Variants in SLC17A3 observed in about 807,000 individuals in gnomAD.
The protein encoded by SLC17A3 is solute carrier family 17 member 3.
A neutral mutation model predicts 60.3 loss-of-function variants in SLC17A3; 61 were observed. The observed-to-expected ratio is 1.01, with a 90% CI of 0.82 to 1.25. The LOEUF is 1.25. SLC17A3 is among the 50% of genes most tolerant of loss of function. The pLI is 0.00. For missense variants in SLC17A3, 624 were observed against 594.9 expected (o/e 1.05, Z -0.51); for synonymous variants, 192 against 208.9 (o/e 0.92, Z 0.70).
intron 5 of SLC17A3, among the ~76,000 whole-genome samples, chr6:25,860,116 A>G (rs1055676179): frequency 6.6e-6 from 1 of 152,148 alleles, no homozygotes; most frequent in Admixed American, 6.5e-5. Context: ...TCACTGCTGT[A>G]TGATATTGCA....
At position 25,845,415 on chromosome 6, in the gene SLC17A3, T is replaced by C. The variant is rs762781724; in HGVS notation, c.1464A>G (p.Glu488=). 11 of 1,614,066 alleles carry C rather than the reference T, an allele frequency of 6.8e-6. No homozygotes were observed. The highest frequency in any genetic ancestry group is 7.6e-6 in the Non-Finnish European group (9 of 1,179,970). ...YLIFGEADVQ[E]WAKERKLTRL Reference sequence around the variant, plus strand: ...GAGTGAGTTTTCTCTCTTTAGCCCATTCTTGGACATCTGCTTCTCCAAATA... The same window carrying C: ...GAGTGAGTTTTCTCTCTTTAGCCCACTCTTGGACATCTGCTTCTCCAAATA... Residue 488 remains glutamate, a synonymous_variant, in exon 12 of 13, where the codon GAA becomes GAG. Coordinates refer to ENST00000397060, the MANE Select transcript of SLC17A3 (RefSeq NM_001098486.2).
Position 25,861,632 on chromosome 6 carries a change from G to C in SLC17A3, c.617C>G (p.Ala206Gly), listed in dbSNP as rs1255659439. 6 of 1,613,634 alleles carry C rather than the reference G, an allele frequency of 3.7e-6. No individual in the cohort carries two copies. The highest frequency in any genetic ancestry group is 5.1e-6 in the Non-Finnish European group (6 of 1,179,670). ...PQERSRLCSI[A>G]LSGMLLGCFT... ...GGATTACATGTCCTTACCTGATAAAGCAATGCTGCAGAGTCTGCTTCGTTC... is the reference window on the plus strand; with the variant it reads ...GGATTACATGTCCTTACCTGATAAACCAATGCTGCAGAGTCTGCTTCGTTC... The change falls in exon 5 of 13, where the codon GCT becomes GGT. Residue 206 changes from alanine to glycine, a missense_variant. Coordinates refer to ENST00000397060, the MANE Select transcript of SLC17A3 (RefSeq NM_001098486.2).
intron 2 of SLC17A3, among the ~76,000 whole-genome samples, chr6:25,867,811 T>C (rs185175562): frequency 6.6e-6 from 1 of 152,026 alleles, no homozygotes; most frequent in East Asian, 1.9e-4. Context: ...AACTATATGC[T>C]GTCAAGTTAG....
At chr6:25,846,297 G>A (rs1295059803) in intron 11 of SLC17A3, among the ~76,000 whole-genome samples, 1 of 152,126 alleles carries the variant, frequency 6.6e-6, no homozygotes, top group Non-Finnish European at 1.5e-5. Context: ...AATGTTCATA[G>A]CAGCCTTATT....
Position 25,849,375 on chromosome 6 carries a change from T to G in SLC17A3, c.1361A>C (p.Gln454Pro), listed in dbSNP as rs373424366. ...TCCTTCATGACAAAAAAATTGTACC[T>G]GACTAAGAAGAAATCCACTGACAGT... The part of the protein sequence containing the change: ...VPTVSGFLLS[Q>P]DPEFGWRNVF... Residue 454 changes from glutamine (Q) to proline (P), a missense_variant and splice_region_variant, in exon 11 of 13, where the codon CAG (glutamine) becomes CCG (proline). Physicochemically the swap from Gln to Pro is moderately conservative, Grantham distance 76. Transcript: ENST00000397060. The G allele has an allele frequency of 3.1e-6, 5 of 1,588,480 alleles. No homozygotes were observed. In the South Asian group the frequency reaches 4.4e-5, roughly 14 times the overall value.
chr6:25,850,659 A>C, intron 7 of SLC17A3, 39 bp from the exon 8 acceptor site: 1 of 1,612,876 alleles, frequency 6.2e-7, no homozygotes, highest in Non-Finnish European at 8.5e-7. Flanking sequence ...TAAATCCGAC[A>C]GATGCTCACA....
chr6:25,872,018 C>A (rs902492841), intron 1 of SLC17A3, among the ~76,000 whole-genome samples: 1 of 151,796 alleles, frequency 6.6e-6, no homozygotes, highest in Non-Finnish European at 1.5e-5. Context: ...CACTTGGGGC[C>A]AAAAGAGCTC....
rs1367958951 is a variant in SLC17A3, at chr6:25,855,197, A to G, written c.659T>C (p.Ile220Thr). ...MLLGCFTAIL[I>T]GGFISETLGW... ...AAGGGTTTCACTAATGAAGCCACCT[A>G]TGAGGATGGCAGTAAAGCATCCCAG... Residue 220 changes from isoleucine (I) to threonine (T), a missense_variant, in exon 6 of 13, where the codon ATA becomes ACA. Physicochemically the swap from Ile to Thr is moderately conservative, Grantham distance 89. Transcript: ENST00000397060. 1 of 1,613,734 alleles carries G rather than the reference A, an allele frequency of 6.2e-7. No homozygotes were observed. Among genetic ancestry groups the G allele is most frequent in the South Asian group, 1.1e-5 (1 of 91,002 alleles).
At chr6:25,865,676 G>A (rs550560176) in intron 2 of SLC17A3, among the ~76,000 whole-genome samples, 1 of 152,106 alleles carries the variant, frequency 6.6e-6, no homozygotes, top group South Asian at 2.1e-4. Flanking sequence ...GATGTTAAGT[G>A]TTTCCTACAG....
chr6:25,847,445 G>A (rs116510165), intron 11 of SLC17A3, among the ~76,000 whole-genome samples: 5,897 of 152,198 alleles, frequency 0.039, 165 homozygotes, highest in Non-Finnish European at 0.058. Context: ...GAATTGCTGC[G>A]TAGAATGGAA....
intron 5 of SLC17A3, among the ~76,000 whole-genome samples, chr6:25,857,046 A>C (rs1485025391): frequency 6.6e-6 from 1 of 151,820 alleles, no homozygotes; most frequent in East Asian, 1.9e-4. Flanking sequence ...AAAATTATCC[A>C]GACATGGTGG....
At position 25,850,643 on chromosome 6, in the gene SLC17A3, T is replaced by C. The variant is rs190739063; in HGVS notation, c.832-23A>G. ...GACCTGAAAACAAATTTACTGGTCA[T>C]AACGGTAAATCCGACAGATGCTCAC... On this transcript the variant is annotated intron_variant, in intron 7 of 12. Transcript: ENST00000397060. 554 of 1,613,642 alleles carry C rather than the reference T, an allele frequency of 3.4e-4. 10 individuals are homozygous for C. In the Admixed American group the frequency reaches 8.5e-3, roughly 25 times the overall value.
At chr6:25,873,811 C>T (rs972147674) in intron 1 of SLC17A3, among the ~76,000 whole-genome samples, 2 of 152,118 alleles carry the variant, frequency 1.3e-5, no homozygotes, top group African/African-American at 4.8e-5. Context: ...CCTCTTCCTC[C>T]AGGTCACCCA....
intron 10 of SLC17A3, 23 bp downstream of exon 10, chr6:25,849,782 G>A: frequency 6.2e-7 from 1 of 1,609,912 alleles, no homozygotes; most frequent in Non-Finnish European, 8.5e-7. Context: ...ATGTGAAACT[G>A]ATAGTGGAGA....
At chr6:25,865,204 G>C (rs1765515546) in intron 2 of SLC17A3, among the ~76,000 whole-genome samples, 1 of 151,942 alleles carries the variant, frequency 6.6e-6, no homozygotes, top group African/African-American at 2.4e-5. Flanking sequence ...GGTGGCTTCT[G>C]TTTTGTCCAA....
At chr6:25,863,724 G>A (rs1017961169) in intron 2 of SLC17A3, among the ~76,000 whole-genome samples, 8 of 152,078 alleles carry the variant, frequency 5.3e-5, no homozygotes, top group African/African-American at 1.7e-4. Context: ...GCCTGGGATT[G>A]TCCAGTTCAC....
chr6:25,870,521 G>A (rs1410903126), intron 1 of SLC17A3, among the ~76,000 whole-genome samples: 1 of 151,942 alleles, frequency 6.6e-6, no homozygotes, highest in Non-Finnish European at 1.5e-5. Flanking sequence ...AAAATGCCAG[G>A]TTTCCATTCT....
chr6:25,872,175 A>G (rs181069824), intron 1 of SLC17A3, among the ~76,000 whole-genome samples: 43 of 152,062 alleles, frequency 2.8e-4, no homozygotes, highest in African/African-American at 9.2e-4. Context: ...ATGGCATTTT[A>G]TTGTAAGCTC....
intron 2 of SLC17A3, among the ~76,000 whole-genome samples, chr6:25,865,942 G>C (rs1042116709): frequency 4.6e-5 from 7 of 152,020 alleles, no homozygotes; most frequent in Non-Finnish European, 8.8e-5. Flanking sequence ...TTTTGAATGT[G>C]AGAGGTTATA....
Sources: gnomAD v4.1 joint callset for allele counts (sites outside exome capture counted in the v4.1 genomes callset) on GRCh38, gnomAD v4.1.1 for gene constraint, MANE v1.5 for transcripts, NCBI Gene and HGNC (gene_info 2026-07-23, HGNC 2026-07-21) for gene names.